BCL11A: variants seen among roughly 807,000 people sequenced by gnomAD.
BCL11A encodes the protein B cell CLL/lymphoma 11A.
Under a neutral mutation model 55.9 loss-of-function variants are expected in BCL11A, and 2 were observed. The observed-to-expected ratio is 0.04, with a 90% confidence interval of 0.01 to 0.11. The LOEUF is 0.11. Ranked by LOEUF, BCL11A falls within the 10% of genes least tolerant of loss-of-function variation. The pLI, the probability that BCL11A is intolerant of heterozygous loss-of-function variation, is 1.00. For synonymous variants in BCL11A, 465 were observed against 473.4 expected (o/e 0.98, Z 0.23); for missense variants, 817 against 1,137.1 (o/e 0.72, Z 4.05).
At chr2:60,477,301 C>T (rs1677664996) in intron 2 of BCL11A, among the ~76,000 whole-genome samples, 2 of 152,192 alleles carry the variant, frequency 1.3e-5, no homozygotes, top group Non-Finnish European at 2.9e-5. Flanking sequence ...TCTATCAAAG[C>T]CAGCAGAACA....
chr2:60,493,161 T>C (rs1678743906), intron 2 of BCL11A, among the ~76,000 whole-genome samples: 1 of 137,632 alleles, frequency 7.3e-6, no homozygotes, highest in Non-Finnish European at 1.6e-5. Flanking sequence ...AGTGTGTTAC[T>C]CTTTCATTCT....
At chr2:60,515,613 C>A (rs890685522) in intron 2 of BCL11A, among the ~76,000 whole-genome samples, 3 of 152,130 alleles carry the variant, frequency 2.0e-5, no homozygotes, top group Admixed American at 6.5e-5. Flanking sequence ...AGGTCCAGCC[C>A]ACTAGAAGGA....
At chr2:60,473,616 T>C (rs772744322) in intron 2 of BCL11A, among the ~76,000 whole-genome samples, 1 of 152,240 alleles carries the variant, frequency 6.6e-6, no homozygotes, top group African/African-American at 2.4e-5. Context: ...CTTCTTTACC[T>C]AACTGCAAAG....
intron 2 of BCL11A, among the ~76,000 whole-genome samples, chr2:60,482,612 T>C (rs1678025809): frequency 6.6e-6 from 1 of 152,206 alleles, no homozygotes; most frequent in African/African-American, 2.4e-5. Context: ...CAATTCCATT[T>C]TCAGACTTGG....
intron 2 of BCL11A, among the ~76,000 whole-genome samples, chr2:60,495,451 G>A (rs1024278096): frequency 3.3e-5 from 5 of 152,156 alleles, no homozygotes; most frequent in Non-Finnish European, 5.9e-5. Flanking sequence ...GCCCTGTATC[G>A]CTTTTCAGCC....
At chr2:60,543,044 A>AG (rs1377569049) in intron 2 of BCL11A, 2 of 151,750 alleles carry the variant, frequency 1.3e-5, no homozygotes, top group African/African-American at 2.4e-5. Flanking sequence ...AAAAAAAAAA[A>AG]AAAAAAAAAC....
At chr2:60,520,129 T>C (rs1290187808) in intron 2 of BCL11A, among the ~76,000 whole-genome samples, 3 of 152,198 alleles carry the variant, frequency 2.0e-5, no homozygotes, top group African/African-American at 7.2e-5. Context: ...AAGCCAAAGA[T>C]AATAGAATAT....
chr2:60,515,928 TAAGGG>T (rs1350515319), intron 2 of BCL11A, among the ~76,000 whole-genome samples: 1 of 152,168 alleles, frequency 6.6e-6, no homozygotes, highest in East Asian at 1.9e-4. Context: ...AAAGATCCAA[TAAGGG>T]AATATTCTCT....
chr2:60,470,581 C>T (rs1295242503), intron 2 of BCL11A, among the ~76,000 whole-genome samples: 1 of 152,200 alleles, frequency 6.6e-6, no homozygotes, highest in African/African-American at 2.4e-5. Context: ...GCCACTTACT[C>T]TGGGAAGAGA....
chr2:60,534,484 C>T (rs1437316896), intron 2 of BCL11A: 2 of 152,210 alleles, frequency 1.3e-5, no homozygotes, highest in Non-Finnish European at 2.9e-5. Context: ...AAACTGCTAA[C>T]AATAAAACTG....
chr2:60,541,908 C>A, intron 2 of BCL11A: 1 of 709,522 alleles, frequency 1.4e-6, no homozygotes, highest in Admixed American at 2.1e-5. Flanking sequence ...ACAAATACAT[C>A]CTCCAGTTCA....
chr2:60,460,873 C>G lies in BCL11A; in HGVS notation c.2039G>C (p.Arg680Thr). ...KDPFLSFGDS[R>T]QSPFASSSEH... ...CGACGAGGAGGCAAAAGGCGATTGT[C>G]TGGAGTCTCCGAAGCTAAGGAAGGG... The change falls in exon 4 of 4, where the codon AGA becomes ACA. Residue 680 changes from arginine (R) to threonine (T), a missense_variant. Around this residue, in one of 4 missense-constraint regions of BCL11A, gnomAD observed 379 missense variants for 425.3 expected, o/e 0.89. Coordinates refer to ENST00000642384, the MANE Select transcript of BCL11A (RefSeq NM_022893.4). 1 of 1,613,308 alleles carries G rather than the reference C, an allele frequency of 6.2e-7. No individual in the cohort carries two copies. Among genetic ancestry groups the G allele is most frequent in the Non-Finnish European group, 8.5e-7 (1 of 1,180,040 alleles).
chr2:60,468,342 T>C (rs1393656849), intron 3 of BCL11A, among the ~76,000 whole-genome samples: 2 of 152,186 alleles, frequency 1.3e-5, no homozygotes, highest in Non-Finnish European at 2.9e-5. Context: ...CTCCTTTTGA[T>C]TCTGGCCTTG....
At chr2:60,551,818 C>A (rs1670425096) in intron 1 of BCL11A, among the ~76,000 whole-genome samples, 1 of 150,238 alleles carries the variant, frequency 6.7e-6, no homozygotes, top group Admixed American at 6.6e-5. Flanking sequence ...GGCTGGGGCG[C>A]GGCGAGGTCG....
chr2:60,482,050 T>A (rs953645587), intron 2 of BCL11A, among the ~76,000 whole-genome samples: 8 of 152,184 alleles, frequency 5.3e-5, no homozygotes, highest in African/African-American at 1.9e-4. Flanking sequence ...GGACCTAACA[T>A]CCAGTTCATC....
chr2:60,531,934 G>A (rs1395658595), intron 2 of BCL11A, among the ~76,000 whole-genome samples: 1 of 152,070 alleles, frequency 6.6e-6, no homozygotes, highest in Non-Finnish European at 1.5e-5. Flanking sequence ...TCAAGACTAG[G>A]GCACCATGAG....
rs188419838 is a variant in BCL11A at position 60,510,272 on chromosome 2, G to C, written c.385+35699C>G. ...CTCTACGTCCTTCAAGGAGCCAGCTGGTCTCCTCTCCTCCTCCTCCTGCAC... is the reference window on the plus strand; with the variant it reads ...CTCTACGTCCTTCAAGGAGCCAGCTCGTCTCCTCTCCTCCTCCTCCTGCAC... On this transcript the variant is annotated intron_variant, in intron 2 of 3. Transcript: ENST00000642384. 3.0e-4 allele frequency among the ~76,000 whole-genome samples: 46 copies of C among 152,156 alleles called. No individual in the cohort carries two copies. In the East Asian group the frequency reaches 6.8e-3, roughly 22 times the overall value.
chr2:60,519,098 G>T (rs924752581), intron 2 of BCL11A, among the ~76,000 whole-genome samples: 3 of 152,118 alleles, frequency 2.0e-5, no homozygotes, highest in Admixed American at 6.5e-5. Flanking sequence ...GGGAGTCTCT[G>T]GTAGGTACTA....
At chr2:60,501,567 TG>T (rs1679284921) in intron 2 of BCL11A, among the ~76,000 whole-genome samples, 1 of 147,870 alleles carries the variant, frequency 6.8e-6, no homozygotes, top group Non-Finnish European at 1.5e-5. Context: ...TGGGGTGCAA[TG>T]GTGTGATCTC....
Sources: allele counts gnomAD v4.1 joint callset (sites outside exome capture counted in the v4.1 genomes callset), GRCh38; gene constraint gnomAD v4.1.1; regional missense constraint gnomAD v4.1.1; transcripts MANE v1.5; gene names NCBI Gene and HGNC (gene_info 2026-07-23, HGNC 2026-07-21).